Variants in HERPUD2 observed in about 807,000 individuals in gnomAD.
The protein encoded by HERPUD2 is HERPUD family member 2.
A neutral mutation model predicts 49.9 loss-of-function variants in HERPUD2; 13 were observed. The ratio of observed to expected loss-of-function variants is 0.26; its 90% CI spans 0.17 to 0.41. The LOEUF (loss-of-function observed/expected upper bound fraction) is 0.41. Among genes scored for constraint, HERPUD2 ranks in the 10% least tolerant of loss-of-function variants. HERPUD2 has a pLI of 1.00. For synonymous variants in HERPUD2, 172 were observed against 171.4 expected, an observed-to-expected ratio of 1.00 and a Z score of -0.03; for missense variants, 449 against 492.2, an observed-to-expected ratio of 0.91 and a Z score of 0.83.
chr7:35,656,901 A>T (rs1470069924), intron 5 of HERPUD2, among the ~76,000 whole-genome samples: 1 of 152,214 alleles, frequency 6.6e-6, no homozygotes, highest in Non-Finnish European at 1.5e-5. Flanking sequence ...AAGACCTGAA[A>T]TATAAAACTA....
intron 2 of HERPUD2, among the ~76,000 whole-genome samples, chr7:35,678,503 G>A (rs1279923164): frequency 6.6e-6 from 1 of 152,074 alleles, no homozygotes; most frequent in Non-Finnish European, 1.5e-5. Context: ...ATTTCACCAT[G>A]TTGGCCAGGC....
intron 2 of HERPUD2, among the ~76,000 whole-genome samples, chr7:35,685,962 AAAT>A (rs376850264): frequency 0.082 from 12,431 of 150,892 alleles, 777 homozygotes; most frequent in South Asian, 0.21. Context: ...CCCTGTCTCT[AAAT>A]AAATAAATAA....
Position 35,670,237 on chromosome 7 carries a change from G to T in HERPUD2, c.317C>A (p.Ala106Glu). 6.4e-7 allele frequency: 1 copy of T among 1,571,636 alleles called. No individual in the cohort carries two copies. The highest frequency in any genetic ancestry group is 8.7e-7 in the Non-Finnish European group (1 of 1,152,526). ...KSSTNRESHE[A>E]LASSSNSSSD... ...CACAGAATTGCTGCTGGATGCCAAT[G>T]CTTCATGACTTTCTCTATTGGTGCT... Residue 106 changes from alanine to glutamate, a missense_variant, in exon 4 of 9, where the codon GCA (alanine) becomes GAA (glutamate). Coordinates refer to ENST00000311350, the MANE Select transcript of HERPUD2 (RefSeq NM_022373.5).
At chr7:35,658,692 G>C (rs959444599) in intron 5 of HERPUD2, among the ~76,000 whole-genome samples, 2 of 152,174 alleles carry the variant, frequency 1.3e-5, no homozygotes, top group African/African-American at 4.8e-5. Flanking sequence ...TATTTCAGCA[G>C]GAAAAACTGA....
chr7:35,644,722 G>A (rs1387962112), intron 5 of HERPUD2, among the ~76,000 whole-genome samples: 7 of 152,052 alleles, frequency 4.6e-5, no homozygotes, highest in African/African-American at 7.2e-5. Context: ...AGCCAAGATC[G>A]CACCACTGCA....
At chr7:35,677,297 A>G (rs1247177283) in intron 2 of HERPUD2, among the ~76,000 whole-genome samples, 9 of 152,206 alleles carry the variant, frequency 5.9e-5, no homozygotes. Context: ...TAGCAGCATA[A>G]AAATATTTTC....
chr7:35,660,405 G>A (rs1785389005), intron 5 of HERPUD2, among the ~76,000 whole-genome samples: 1 of 152,154 alleles, frequency 6.6e-6, no homozygotes, highest in Non-Finnish European at 1.5e-5. Flanking sequence ...TAATGGGATG[G>A]CTGGGTCAAA....
chr7:35,662,501 T>C (rs1183531351), intron 5 of HERPUD2, among the ~76,000 whole-genome samples: 2 of 152,172 alleles, frequency 1.3e-5, no homozygotes, highest in Non-Finnish European at 2.9e-5. Flanking sequence ...ATCCGTCTGG[T>C]CTTGGACTTT....
intron 5 of HERPUD2, among the ~76,000 whole-genome samples, chr7:35,648,250 A>G (rs987522155): frequency 1.3e-5 from 2 of 152,232 alleles, no homozygotes. Context: ...GTAAGCATAC[A>G]TATTTAAGAA....
chr7:35,642,938 G>A (rs1159460204), intron 5 of HERPUD2, among the ~76,000 whole-genome samples: 4 of 152,090 alleles, frequency 2.6e-5, no homozygotes, highest in East Asian at 1.9e-4. Context: ...AAATCTGACC[G>A]TGTACCCGTG....
intron 2 of HERPUD2, among the ~76,000 whole-genome samples, chr7:35,685,684 T>C (rs1466393190): frequency 3.9e-5 from 6 of 151,968 alleles, no homozygotes; most frequent in African/African-American, 1.5e-4. Flanking sequence ...ATGAATTTAA[T>C]TTAAATATCA....
At chr7:35,664,443 C>T (rs942928864) in intron 5 of HERPUD2, among the ~76,000 whole-genome samples, 1 of 152,184 alleles carries the variant, frequency 6.6e-6, no homozygotes, top group Non-Finnish European at 1.5e-5. Flanking sequence ...GCCTGCCTCA[C>T]TAGGTTGGGG....
intron 2 of HERPUD2, among the ~76,000 whole-genome samples, chr7:35,681,693 G>A (rs1785895098): frequency 6.6e-6 from 1 of 152,106 alleles, no homozygotes; most frequent in African/African-American, 2.4e-5. Flanking sequence ...TAATGTAGAT[G>A]AGCCTTGTAA....
intron 5 of HERPUD2, among the ~76,000 whole-genome samples, chr7:35,664,674 A>C (rs1432631422): frequency 6.6e-6 from 1 of 152,120 alleles, no homozygotes; most frequent in Non-Finnish European, 1.5e-5. Flanking sequence ...TCTTCCATTT[A>C]ATCAAATCAG....
chr7:35,691,136 A>G (rs1786174684), intron 2 of HERPUD2, among the ~76,000 whole-genome samples: 1 of 152,212 alleles, frequency 6.6e-6, no homozygotes, highest in African/African-American at 2.4e-5. Flanking sequence ...CTAGGCCAAT[A>G]AAATCCTAGT....
intron 2 of HERPUD2, among the ~76,000 whole-genome samples, chr7:35,692,172 C>T (rs1303419972): frequency 6.6e-6 from 1 of 152,202 alleles, no homozygotes; most frequent in East Asian, 1.9e-4. Flanking sequence ...AGATCTCATC[C>T]TCAGACAGCT....
At chr7:35,668,552 C>T (rs1232322807) in intron 4 of HERPUD2, 1 of 154,724 alleles carries the variant, frequency 6.5e-6, no homozygotes, top group Non-Finnish European at 1.5e-5. Flanking sequence ...CCCGTACTGC[C>T]TTCCTATTGA....
At chr7:35,679,793 A>T (rs1187794390) in intron 2 of HERPUD2, among the ~76,000 whole-genome samples, 1 of 152,146 alleles carries the variant, frequency 6.6e-6, no homozygotes, top group Non-Finnish European at 1.5e-5. Flanking sequence ...CAAATTCTAC[A>T]ATGCATTTCA....
Position 35,685,479 on chromosome 7 carries a change from A to G in HERPUD2, c.147+8705T>C, listed in dbSNP as rs148096142. The stretch of plus-strand genomic sequence containing the variant: ...GCTGGGATTACAGGCGCGTGCCACT[A>G]TGCCCAGCTAATTTTTTTGTATTTT... On this transcript the variant is annotated intron_variant, in intron 2 of 8. Coordinates refer to ENST00000311350, the MANE Select transcript of HERPUD2 (RefSeq NM_022373.5). 8.9e-3 allele frequency among the ~76,000 whole-genome samples: 1,355 copies of G among 151,646 alleles called. 19 individuals are homozygous for G. The highest frequency in any genetic ancestry group is 0.032 in the African/African-American group (1,317 of 41,408).
Sources: gnomAD v4.1 joint callset for allele counts (sites outside exome capture counted in the v4.1 genomes callset) on GRCh38, gnomAD v4.1.1 for gene constraint, MANE v1.5 for transcripts, NCBI Gene and HGNC (gene_info 2026-07-23, HGNC 2026-07-21) for gene names.